The following TMEM132D variants were observed in gnomAD, a reference collection of about 807,000 sequenced individuals.
The protein encoded by TMEM132D is mature OL transmembrane protein.
TMEM132D carries 21 observed loss-of-function variants against 62.3 expected under a neutral mutation model. The ratio of observed to expected loss-of-function variants is 0.34; its 90% CI spans 0.24 to 0.49. TMEM132D has a LOEUF of 0.49. TMEM132D is among the 20% of genes least tolerant of loss of function. The pLI is 0.99. For missense variants in TMEM132D, 1,346 were observed against 1,402.8 expected (o/e 0.96, Z 0.65); for synonymous variants, 621 against 575.6 (o/e 1.08, Z -1.13).
chr12:129,633,861 G>A (rs1378850424), intron 2 of TMEM132D, among the ~76,000 whole-genome samples: 1 of 152,164 alleles, frequency 6.6e-6, no homozygotes, highest in Non-Finnish European at 1.5e-5. Context: ...TTTTGCTCCT[G>A]AAACTTAAAA....
chr12:129,269,274 T>C (rs891385266), intron 4 of TMEM132D, among the ~76,000 whole-genome samples: 1 of 152,166 alleles, frequency 6.6e-6, no homozygotes, highest in Non-Finnish European at 1.5e-5. Flanking sequence ...AGAGAAAACC[T>C]CCAGGCCACC....
At chr12:129,713,319 A>G (rs1868447561) in intron 1 of TMEM132D, among the ~76,000 whole-genome samples, 1 of 152,200 alleles carries the variant, frequency 6.6e-6, no homozygotes, top group African/African-American at 2.4e-5. Context: ...ACCTGACTGC[A>G]CAAATATATA....
At chr12:129,665,079 C>T (rs1033723792) in intron 2 of TMEM132D, among the ~76,000 whole-genome samples, 7 of 152,110 alleles carry the variant, frequency 4.6e-5, no homozygotes, top group African/African-American at 7.2e-5. Context: ...GTTCACCAGT[C>T]GCAAAATTCT....
At chr12:129,510,923 CAG>C (rs969568017) in intron 3 of TMEM132D, among the ~76,000 whole-genome samples, 21 of 152,100 alleles carry the variant, frequency 1.4e-4, no homozygotes, top group African/African-American at 4.6e-4. Context: ...GTTTTAATGC[CAG>C]TACCATGCGG....
chr12:129,111,904 T>A (rs1295289491), intron 5 of TMEM132D, among the ~76,000 whole-genome samples: 4 of 152,204 alleles, frequency 2.6e-5, no homozygotes, highest in Non-Finnish European at 4.4e-5. Context: ...AAGGGTACCA[T>A]CCCTGGTGGC....
In TMEM132D at chr12:129,491,327, T is replaced by C. The variant is rs550294054; in HGVS notation, c.1115+39732A>G. ...AGGACCCCACTGATTTTATCATATT[T>C]ATTTCACCAACACTGTTTGGCTGTT... On this transcript the variant is annotated intron_variant, in intron 3 of 8. Transcript: ENST00000422113. 2.8e-4 allele frequency among the ~76,000 whole-genome samples: 42 copies of C among 152,326 alleles called. 1 individual carries two copies.
Position 129,531,205 on chromosome 12 carries a change from C to T in TMEM132D, c.969G>A (p.Arg323=), listed in dbSNP as rs765924223. The part of the protein sequence containing the change: ...RNSTEDRFTL[R]AKVKKGVNII... ...TGTTCACGCCTTTCTTCACCTTTGC[C>T]CTGTTGGAGACAGCACGTGTGGGTC... The change falls in exon 3 of 9, where the codon AGG becomes AGA. Residue 323 remains arginine, a splice_region_variant and synonymous_variant. Coordinates refer to ENST00000422113, the MANE Select transcript of TMEM132D (RefSeq NM_133448.3). 2 of 1,609,318 alleles carry T rather than the reference C, an allele frequency of 1.2e-6. No homozygotes were observed. Among genetic ancestry groups the T allele is most frequent in the Admixed American group, 3.3e-5 (2 of 59,838 alleles).
At chr12:129,623,074 GA>G in intron 2 of TMEM132D, among the ~76,000 whole-genome samples, 1 of 152,250 alleles carries the variant, frequency 6.6e-6, no homozygotes, top group East Asian at 1.9e-4. Flanking sequence ...GAGATGGAGA[GA>G]AAGAGACTGA....
At chr12:129,115,915 G>T (rs1359694251) in intron 5 of TMEM132D, among the ~76,000 whole-genome samples, 1 of 152,202 alleles carries the variant, frequency 6.6e-6, no homozygotes, top group Admixed American at 6.5e-5. Flanking sequence ...GACATGGAGG[G>T]GCCCTCACAA....
At chr12:129,580,619 G>A (rs189031164) in intron 2 of TMEM132D, among the ~76,000 whole-genome samples, 4 of 152,004 alleles carry the variant, frequency 2.6e-5, no homozygotes, top group African/African-American at 9.7e-5. Flanking sequence ...CAGGGGAATC[G>A]CTTAAACCCG....
chr12:129,257,204 CT>C (rs10609616), intron 4 of TMEM132D, among the ~76,000 whole-genome samples: 30,814 of 122,356 alleles, frequency 0.25, 2,906 homozygotes, highest in South Asian at 0.27. Flanking sequence ...CTGTTTCTTT[CT>C]TTTTTTTTTT....
At chr12:129,577,276 G>A (rs940596561) in intron 2 of TMEM132D, among the ~76,000 whole-genome samples, 2 of 151,754 alleles carry the variant, frequency 1.3e-5, no homozygotes, top group Non-Finnish European at 2.9e-5. Context: ...ACAGCAGCAG[G>A]AGGCACCCAC....
At chr12:129,895,908 T>C (rs1013175277) in intron 1 of TMEM132D, among the ~76,000 whole-genome samples, 3 of 151,860 alleles carry the variant, frequency 2.0e-5, no homozygotes, top group Non-Finnish European at 4.4e-5. Flanking sequence ...CTTTTCTCTA[T>C]TGCTGGATAC....
At chr12:129,247,347 A>T (rs996861610) in intron 4 of TMEM132D, among the ~76,000 whole-genome samples, 2 of 152,170 alleles carry the variant, frequency 1.3e-5, no homozygotes, top group Admixed American at 6.5e-5. Flanking sequence ...GGTGCCATTT[A>T]TAAGGGACAA....
At chr12:129,780,262 C>T (rs1029020867) in intron 1 of TMEM132D, among the ~76,000 whole-genome samples, 3 of 151,594 alleles carry the variant, frequency 2.0e-5, no homozygotes, top group South Asian at 2.1e-4. Flanking sequence ...CCTCCCCCTC[C>T]GAGCATGAAC....
intron 1 of TMEM132D, among the ~76,000 whole-genome samples, chr12:129,776,907 T>G (rs1304104165): frequency 6.6e-6 from 1 of 152,214 alleles, no homozygotes; most frequent in Non-Finnish European, 1.5e-5. Flanking sequence ...ATCTACACCT[T>G]TGGGTAGGAA....
chr12:129,721,532 T>C (rs1366580673), intron 1 of TMEM132D, among the ~76,000 whole-genome samples: 2 of 152,130 alleles, frequency 1.3e-5, no homozygotes, highest in Non-Finnish European at 2.9e-5. Context: ...GAGGGGCCAG[T>C]GGGCAGAGGA....
intron 3 of TMEM132D, chr12:129,522,499 C>T (rs1875878434): frequency 6.6e-6 from 1 of 151,954 alleles, no homozygotes; most frequent in Admixed American, 6.6e-5. Context: ...CTAAACACAC[C>T]AGGGGAAACT....
intron 1 of TMEM132D, among the ~76,000 whole-genome samples, chr12:129,721,509 C>T (rs994244804): frequency 3.3e-5 from 5 of 152,132 alleles, no homozygotes; most frequent in African/African-American, 9.7e-5. Context: ...AACTAGCTCC[C>T]GGGGTCACCT....
Sources: gnomAD v4.1 joint callset for allele counts (sites outside exome capture counted in the v4.1 genomes callset) on GRCh38, gnomAD v4.1.1 for gene constraint, MANE v1.5 for transcripts, NCBI Gene and HGNC (gene_info 2026-07-23, HGNC 2026-07-21) for gene names.